The following CWH43 variants were observed in gnomAD, a reference collection of about 807,000 sequenced individuals.
CWH43 encodes PGAP2-interacting protein.
In CWH43, 91 loss-of-function variants were observed where a neutral mutation model predicts 85.7. The observed-to-expected ratio is 1.06, with a 90% confidence interval of 0.90 to 1.26. The LOEUF is 1.26. Ranked by LOEUF, CWH43 falls within the 50% of genes most tolerant of loss-of-function variation. The pLI, the probability that CWH43 is intolerant of heterozygous loss-of-function variation, is 0.00. For missense variants in CWH43, 869 were observed against 839.2 expected (o/e 1.04, Z -0.44); for synonymous variants, 323 against 293.6 (o/e 1.10, Z -1.02).
At chr4:49,044,902 G>T in intron 14 of CWH43, 55 bp downstream of exon 14, 1 of 1,445,914 alleles carries the variant, frequency 6.9e-7, no homozygotes. Flanking sequence ...GATCTTTTGG[G>T]TCTGTCTGAG....
intron 14 of CWH43, among the ~76,000 whole-genome samples, chr4:49,049,517 C>T (rs898150868): frequency 6.6e-6 from 1 of 151,362 alleles, no homozygotes; most frequent in African/African-American, 2.4e-5. Context: ...TCTTATCTCA[C>T]TCTAAAAAAA....
chr4:48,998,628 A>C (rs1318327456), intron 6 of CWH43, 80 bp downstream of exon 6: 1 of 994,516 alleles, frequency 1.0e-6, no homozygotes, highest in Non-Finnish European at 1.6e-6. Flanking sequence ...AACTCGACTG[A>C]AAGTAGATAC....
intron 14 of CWH43, among the ~76,000 whole-genome samples, chr4:49,048,295 C>A (rs1366619510): frequency 6.6e-6 from 1 of 151,112 alleles, no homozygotes; most frequent in Admixed American, 6.6e-5. Context: ...TATATACACA[C>A]TCTGTGTGTG....
chr4:48,990,149 A>G (rs577531761), intron 2 of CWH43, among the ~76,000 whole-genome samples: 138 of 152,302 alleles, frequency 9.1e-4, no homozygotes, highest in African/African-American at 3.3e-3. Flanking sequence ...GGTGATGGTA[A>G]GGGATGTGAT....
At chr4:48,989,390 A>C (rs1782586640) in intron 2 of CWH43, among the ~76,000 whole-genome samples, 1 of 152,178 alleles carries the variant, frequency 6.6e-6, no homozygotes, top group Non-Finnish European at 1.5e-5. Flanking sequence ...GTCCATTGGC[A>C]CAACCTCTAT....
At chr4:49,027,875 G>A (rs758859037) in intron 9 of CWH43, among the ~76,000 whole-genome samples, 11 of 152,086 alleles carry the variant, frequency 7.2e-5, no homozygotes, top group Non-Finnish European at 1.2e-4. Flanking sequence ...GATACTTAGG[G>A]TTGGGCAGCG....
chr4:49,028,337 G>T (rs1235859705), intron 9 of CWH43, among the ~76,000 whole-genome samples: 1 of 152,024 alleles, frequency 6.6e-6, no homozygotes, highest in Non-Finnish European at 1.5e-5. Flanking sequence ...CCTGTTGATG[G>T]ACAGCCAGGC....
intron 10 of CWH43, 58 bp from the exon 11 acceptor site, chr4:49,030,767 A>G (rs1182815503): frequency 2.7e-6 from 4 of 1,460,464 alleles, no homozygotes; most frequent in East Asian, 2.6e-5. Context: ...AGTGTTGCTA[A>G]TTGTTTTTTG....
At chr4:49,022,087 G>T (rs1285391144) in intron 9 of CWH43, among the ~76,000 whole-genome samples, 3 of 152,040 alleles carry the variant, frequency 2.0e-5, no homozygotes, top group African/African-American at 7.3e-5. Flanking sequence ...TCAGTACTAT[G>T]TTGAATATAA....
chr4:49,039,313 A>ATATATATATATATATATATATATATATG (rs1784366114), intron 13 of CWH43, among the ~76,000 whole-genome samples: 1 of 31,034 alleles, frequency 3.2e-5, no homozygotes, highest in Non-Finnish European at 8.8e-5. Context: ...ACTGATATAT[A>ATATATATATATATATATATATATATATG]TATATATATA....
At chr4:49,010,764 G>A (rs1273372973) in intron 8 of CWH43, among the ~76,000 whole-genome samples, 1 of 152,132 alleles carries the variant, frequency 6.6e-6, no homozygotes, top group Non-Finnish European at 1.5e-5. Flanking sequence ...AGGTTGTTCG[G>A]TTTCCAGGTA....
chr4:48,993,586 G>A (rs940272343), intron 4 of CWH43, among the ~76,000 whole-genome samples: 2 of 152,192 alleles, frequency 1.3e-5, no homozygotes, highest in Non-Finnish European at 2.9e-5. Flanking sequence ...TCCTCCTGCT[G>A]GCATCTTCTC....
chr4:49,005,562 T>C (rs1371458226), intron 7 of CWH43, among the ~76,000 whole-genome samples: 3 of 150,642 alleles, frequency 2.0e-5, no homozygotes, highest in Non-Finnish European at 4.4e-5. Flanking sequence ...TTTTTTTTTT[T>C]CTTTTTTTTT....
intron 15 of CWH43, among the ~76,000 whole-genome samples, chr4:49,060,974 T>C (rs989873724): frequency 1.3e-5 from 2 of 152,226 alleles, no homozygotes; most frequent in Non-Finnish European, 2.9e-5. Context: ...TATTATGAAC[T>C]TCATTCCATA....
intron 13 of CWH43, among the ~76,000 whole-genome samples, chr4:49,043,209 T>C (rs1298621831): frequency 6.6e-6 from 1 of 152,200 alleles, no homozygotes; most frequent in Non-Finnish European, 1.5e-5. Flanking sequence ...GAAGATAACA[T>C]CTGCAAAGCC....
chr4:49,014,102 A>G (rs558363284), intron 8 of CWH43, among the ~76,000 whole-genome samples: 2 of 152,346 alleles, frequency 1.3e-5, no homozygotes, highest in East Asian at 3.9e-4. Flanking sequence ...TCCAAAAGAA[A>G]TATCACAAAA....
chr4:48,995,195 T>C (rs115112583), intron 5 of CWH43, among the ~76,000 whole-genome samples: 1 of 152,116 alleles, frequency 6.6e-6, no homozygotes, highest in South Asian at 2.1e-4. Context: ...TATGGGCATT[T>C]AGTAGGATAA....
chr4:49,027,180 A>T (rs1020691461), intron 9 of CWH43, among the ~76,000 whole-genome samples: 1 of 152,198 alleles, frequency 6.6e-6, no homozygotes, highest in African/African-American at 2.4e-5. Context: ...GATGATGGTG[A>T]TCTTTGCTGG....
At chr4:49,025,051 A>T (rs952272418) in intron 9 of CWH43, among the ~76,000 whole-genome samples, 2 of 151,448 alleles carry the variant, frequency 1.3e-5, no homozygotes, top group South Asian at 2.1e-4. Context: ...TATCTTTTAA[A>T]TTTTTTTTCC....
Sources: allele counts gnomAD v4.1 joint callset (sites outside exome capture counted in the v4.1 genomes callset), GRCh38; gene constraint gnomAD v4.1.1; transcripts MANE v1.5; gene names NCBI Gene and HGNC (gene_info 2026-07-23, HGNC 2026-07-21).